Variants in MICU1 observed in about 807,000 individuals in gnomAD.
MICU1 encodes calcium uptake protein 1, mitochondrial.
In MICU1, 45 loss-of-function variants were observed where a neutral mutation model predicts 56.8. The observed-to-expected ratio is 0.79, with a 90% CI of 0.62 to 1.02. The LOEUF (loss-of-function observed/expected upper bound fraction) is 1.02, where lower values mean the gene tolerates loss of function less well. Ranked by LOEUF, MICU1 falls within the 50% of genes least tolerant of loss-of-function variation. The pLI, the probability that MICU1 is intolerant of heterozygous loss-of-function variation, is 0.00. For synonymous variants in MICU1, 186 were observed against 195.1 expected, an observed-to-expected ratio of 0.95 and a Z score of 0.39; for missense variants, 504 against 587.1, an observed-to-expected ratio of 0.86 and a Z score of 1.46.
At position 72,457,997 on chromosome 10, in the gene MICU1, T is replaced by C. The variant is rs558612430; in HGVS notation, c.933+17103A>G. Among the ~76,000 whole-genome samples the C allele has an allele frequency of 2.0e-5, 3 of 152,054 alleles. No individual in the cohort carries two copies. The South Asian group carries it at 6.2e-4, about 32-fold the overall frequency. ...CAGCCTGGCCAACATGGTAAAACCC[T>C]GTCTCTACTAAAAATAAAAATTAGC... On this transcript the variant is annotated intron_variant, in intron 8 of 11. Coordinates refer to ENST00000361114, the MANE Select transcript of MICU1 (RefSeq NM_001195518.2).
At chr10:72,472,441 G>C (rs1007469908) in intron 8 of MICU1, among the ~76,000 whole-genome samples, 2 of 152,118 alleles carry the variant, frequency 1.3e-5, no homozygotes, top group African/African-American at 4.8e-5. Context: ...AAAACCCTTT[G>C]AAGTCTAAGC....
intron 9 of MICU1, among the ~76,000 whole-genome samples, chr10:72,410,676 T>C (rs1863779447): frequency 2.6e-5 from 4 of 152,188 alleles, no homozygotes; most frequent in Admixed American, 6.5e-5. Flanking sequence ...GTACCTACTA[T>C]GTACCAAGTG....
chr10:72,475,348 C>A, intron 7 of MICU1, 51 bp from the exon 8 acceptor site: 1 of 1,443,480 alleles, frequency 6.9e-7, no homozygotes, highest in African/African-American at 1.4e-5. Flanking sequence ...AGTGAGAAAA[C>A]ATAAACATAG....
chr10:72,531,744 G>A (rs949399501), intron 5 of MICU1: 2 of 151,268 alleles, frequency 1.3e-5, no homozygotes, highest in Non-Finnish European at 3.0e-5. Context: ...AAAAAAGAAA[G>A]AAAAATGAAA....
chr10:72,500,300 ATATTTTTT>A (rs1867020862), intron 6 of MICU1, among the ~76,000 whole-genome samples: 1 of 6,052 alleles, frequency 1.7e-4, no homozygotes, highest in African/African-American at 3.0e-4. Flanking sequence ...ATATATATAT[ATATTTTTT>A]TTTTTTTTTT....
At chr10:72,410,623 AC>A (rs1283936045) in intron 9 of MICU1, among the ~76,000 whole-genome samples, 1 of 152,204 alleles carries the variant, frequency 6.6e-6, no homozygotes, top group Non-Finnish European at 1.5e-5. Context: ...CTGTCTCAAA[AC>A]AAAACAAAAC....
At chr10:72,441,535 T>C (rs1234385408) in intron 8 of MICU1, among the ~76,000 whole-genome samples, 2 of 142,682 alleles carry the variant, frequency 1.4e-5, no homozygotes, top group East Asian at 4.0e-4. Flanking sequence ...ACATGTACTC[T>C]AGAACTTAAA....
intron 5 of MICU1, chr10:72,523,848 T>C (rs983570057): frequency 5.2e-6 from 8 of 1,526,808 alleles, no homozygotes; most frequent in African/African-American, 4.1e-5. Flanking sequence ...TGTAAGTATA[T>C]ATTCTTTTCA....
intron 4 of MICU1, among the ~76,000 whole-genome samples, chr10:72,536,378 G>C (rs190723793): frequency 6.6e-6 from 1 of 151,862 alleles, no homozygotes; most frequent in South Asian, 2.1e-4. Flanking sequence ...ATGGAGTCTC[G>C]CTTTGTCCCC....
rs530099885 is a variant in MICU1, at chr10:72,544,335, T to C, written c.493+6844A>G. Among the ~76,000 whole-genome samples the C allele has an allele frequency of 7.2e-5, 11 of 152,266 alleles. 1 individual carries two copies. In the South Asian group the frequency reaches 2.3e-3, roughly 32 times the overall value. ...GCTCTTCCTTCTTTAACCCGGTGTC[T>C]GAGGGGTTTTGTCTGCGGCCTGTCC... On this transcript the variant is annotated intron_variant, in intron 4 of 11. Transcript: ENST00000361114.
chr10:72,375,778 C>T lies in MICU1; in HGVS notation c.1270+5G>A, dbSNP rs1195710095. On this transcript the variant is annotated splice_donor_5th_base_variant and intron_variant, in intron 11 of 11. Transcript: ENST00000361114. ...CCCCTCCGGGCTCCAGAGGGCCCCACTCACCATCACAGTCAAAGAGTGCAA... is the reference window on the plus strand; with the variant it reads ...CCCCTCCGGGCTCCAGAGGGCCCCATTCACCATCACAGTCAAAGAGTGCAA... The T allele has an allele frequency of 1.2e-6, 2 of 1,611,410 alleles. No homozygotes were observed. The highest frequency in any genetic ancestry group is 1.7e-6 in the Non-Finnish European group (2 of 1,178,992).
chr10:72,533,788 G>C lies in MICU1; in HGVS notation c.495C>G (p.His165Gln), dbSNP rs758098235. The C allele has an allele frequency of 6.9e-6, 11 of 1,584,050 alleles. No individual in the cohort carries two copies. Among genetic ancestry groups the C allele is most frequent in the East Asian group, 2.3e-5 (1 of 44,422 alleles). The change falls in exon 5 of 12, where the codon CAC becomes CAG. Residue 165 changes from histidine (H) to glutamine (Q), a missense_variant and splice_region_variant. By Grantham distance (24) the His-to-Gln change is conservative. Coordinates refer to ENST00000361114, the MANE Select transcript of MICU1 (RefSeq NM_001195518.2). ...SITPNEKQPE[H>Q]LGLDQYIIKR... The stretch of plus-strand genomic sequence containing the variant: ...TTATTATATATTGATCCAGACCCAA[G>C]TCTGTAAAAGAAAAGGAAAAAACAT...
chr10:72,519,409 C>T (rs1867751333), intron 5 of MICU1, among the ~76,000 whole-genome samples: 1 of 152,128 alleles, frequency 6.6e-6, no homozygotes. Context: ...TGCACCATAT[C>T]CTGGATATTT....
Position 72,566,688 on chromosome 10 carries a change from C to T in MICU1, c.106G>A (p.Val36Met). The T allele has an allele frequency of 6.2e-7, 1 of 1,613,046 alleles. No homozygotes were observed. Among genetic ancestry groups the T allele is most frequent in the East Asian group, 2.2e-5 (1 of 44,858 alleles). ...PIQIRRRLMMVAFLGASAVTA... is the reference protein window; with the variant it reads ...PIQIRRRLMMMAFLGASAVTA... Reference sequence around the variant, plus strand: ...ACTGCAGATGCTCCCAGGAAAGCCACCATCATTAGTCTTCGCCGGATCTGG... The same window carrying T: ...ACTGCAGATGCTCCCAGGAAAGCCATCATCATTAGTCTTCGCCGGATCTGG... Residue 36 changes from valine (V) to methionine (M), a missense_variant, in exon 2 of 12, where the codon GTG (valine) becomes ATG (methionine). Transcript: ENST00000361114.
chr10:72,496,196 C>T (rs532299558), intron 6 of MICU1, among the ~76,000 whole-genome samples: 3 of 151,934 alleles, frequency 2.0e-5, no homozygotes, highest in East Asian at 1.9e-4. Flanking sequence ...GGCACAATCT[C>T]GGTTCACTGC....
Position 72,454,477 on chromosome 10 carries a change from C to A in MICU1, c.933+20623G>T, listed in dbSNP as rs574262752. Among the ~76,000 whole-genome samples, 59 of 144,338 alleles carry A rather than the reference C, an allele frequency of 4.1e-4. No individual in the cohort carries two copies. In the South Asian group the frequency reaches 0.012, roughly 30 times the overall value. The allele number at this position is 144,338 out of a possible 152,430, so 94.7% of individuals were successfully genotyped here. ...CTCACATTTAAAAAAACAAAAAAAACAAAAAAACAAAACTGTAGTCATGGG... is the reference window on the plus strand; with the variant it reads ...CTCACATTTAAAAAAACAAAAAAAAAAAAAAAACAAAACTGTAGTCATGGG... On this transcript the variant is annotated intron_variant, in intron 8 of 11. Coordinates refer to ENST00000361114, the MANE Select transcript of MICU1 (RefSeq NM_001195518.2).
intron 10 of MICU1, among the ~76,000 whole-genome samples, chr10:72,388,184 A>C (rs1467319810): frequency 6.6e-6 from 1 of 152,264 alleles, no homozygotes; most frequent in African/African-American, 2.4e-5. Context: ...AACAGTATCT[A>C]AAAGTGCAAC....
intron 10 of MICU1, among the ~76,000 whole-genome samples, chr10:72,382,471 T>C (rs1209029564): frequency 6.6e-6 from 1 of 151,996 alleles, no homozygotes; most frequent in African/African-American, 2.4e-5. Flanking sequence ...GTGAGTGATG[T>C]GGGTTGGGGG....
chr10:72,491,542 G>A (rs1866654961), intron 6 of MICU1, among the ~76,000 whole-genome samples: 1 of 152,052 alleles, frequency 6.6e-6, no homozygotes, highest in Non-Finnish European at 1.5e-5. Context: ...ATTGTCTAGG[G>A]GCCTTAGAGA....
Sources: allele counts gnomAD v4.1 joint callset (sites outside exome capture counted in the v4.1 genomes callset), GRCh38; gene constraint gnomAD v4.1.1; transcripts MANE v1.5; gene names NCBI Gene and HGNC (gene_info 2026-07-23, HGNC 2026-07-21).